The following FHIT variants were observed in gnomAD, a reference collection of about 807,000 sequenced individuals.
FHIT encodes the protein bis(5'-adenosyl)-triphosphatase.
Under a neutral mutation model 17.9 loss-of-function variants are expected in FHIT, and 19 were observed. The ratio of observed to expected loss-of-function variants is 1.06; its 90% CI spans 0.74 to 1.56. The LOEUF (loss-of-function observed/expected upper bound fraction) is 1.56, where lower values mean the gene tolerates loss of function less well. Ranked by LOEUF, FHIT falls within the 40% of genes most tolerant of loss-of-function variation. The pLI is 0.00. For missense variants in FHIT, 248 were observed against 189.2 expected (o/e 1.31, Z -1.82); for synonymous variants, 81 against 69.7 (o/e 1.16, Z -0.81).
At chr3:60,801,245 T>C (rs552073292) in intron 4 of FHIT, among the ~76,000 whole-genome samples, 3 of 152,296 alleles carry the variant, frequency 2.0e-5, no homozygotes, top group Non-Finnish European at 2.9e-5. Flanking sequence ...AATAACTCTC[T>C]TATACTTCCA....
At chr3:61,118,996 C>A (rs148786034) in intron 2 of FHIT, among the ~76,000 whole-genome samples, 6 of 152,258 alleles carry the variant, frequency 3.9e-5, no homozygotes, top group African/African-American at 1.4e-4. Context: ...AGACATTTTA[C>A]TGGGCACCAT....
chr3:61,110,051 T>A (rs2036109772), intron 2 of FHIT, among the ~76,000 whole-genome samples: 1 of 152,128 alleles, frequency 6.6e-6, no homozygotes, highest in African/African-American at 2.4e-5. Context: ...TCCTGGACTG[T>A]CTATCTCTAC....
At chr3:60,628,645 T>C (rs542071773) in intron 4 of FHIT, among the ~76,000 whole-genome samples, 1 of 152,316 alleles carries the variant, frequency 6.6e-6, no homozygotes, top group East Asian at 1.9e-4. Context: ...TCTTTGATTC[T>C]CTCTGATCAT....
intron 4 of FHIT, among the ~76,000 whole-genome samples, chr3:60,763,631 C>T (rs548587375): frequency 6.6e-6 from 1 of 152,318 alleles, no homozygotes; most frequent in Admixed American, 6.5e-5. Flanking sequence ...TATCCAGCAA[C>T]ACATGGCGAT....
At chr3:60,573,776 T>C (rs2037469578) in intron 4 of FHIT, among the ~76,000 whole-genome samples, 1 of 152,082 alleles carries the variant, frequency 6.6e-6, no homozygotes, top group Admixed American at 6.6e-5. Context: ...CTATTGGTGA[T>C]CATTCATTCT....
At chr3:60,930,330 C>T (rs1382913496) in intron 3 of FHIT, among the ~76,000 whole-genome samples, 1 of 152,058 alleles carries the variant, frequency 6.6e-6, no homozygotes, top group Non-Finnish European at 1.5e-5. Context: ...TCTAAAACAC[C>T]AAAAGCAATG....
At chr3:59,751,984 G>C (rs1700933027) in intron 9 of FHIT, 1 of 427,400 alleles carries the variant, frequency 2.3e-6, no homozygotes, top group African/African-American at 2.0e-5. Context: ...GGTGGTGGTG[G>C]GCTGGGGGCA....
chr3:60,463,926 G>T (rs1187090717), intron 5 of FHIT, among the ~76,000 whole-genome samples: 1 of 152,192 alleles, frequency 6.6e-6, no homozygotes, highest in Non-Finnish European at 1.5e-5. Context: ...TTAACTTTAA[G>T]AAAATAACAA....
At chr3:60,814,209 C>A (rs1701661486) in intron 4 of FHIT, among the ~76,000 whole-genome samples, 1 of 151,866 alleles carries the variant, frequency 6.6e-6, no homozygotes, top group Non-Finnish European at 1.5e-5. Context: ...TTTATTTTTT[C>A]AACTTTCATT....
intron 4 of FHIT, among the ~76,000 whole-genome samples, chr3:60,648,024 A>T (rs1454822379): frequency 1.3e-5 from 2 of 152,162 alleles, no homozygotes; most frequent in African/African-American, 2.4e-5. Context: ...ATGTCTCAAT[A>T]TGCAGGGTTT....
chr3:60,598,410 A>G (rs2038337618), intron 4 of FHIT, among the ~76,000 whole-genome samples: 1 of 152,188 alleles, frequency 6.6e-6, no homozygotes, highest in Non-Finnish European at 1.5e-5. Flanking sequence ...TTTTCCTAAA[A>G]TGAATAGGGT....
chr3:60,467,077 T>C (rs2032837965), intron 5 of FHIT, among the ~76,000 whole-genome samples: 1 of 152,106 alleles, frequency 6.6e-6, no homozygotes, highest in East Asian at 1.9e-4. Context: ...TTGCATTTCT[T>C]AGTGGTTCAA....
At chr3:61,088,535 T>A (rs985188434) in intron 2 of FHIT, among the ~76,000 whole-genome samples, 1 of 152,116 alleles carries the variant, frequency 6.6e-6, no homozygotes, top group African/African-American at 2.4e-5. Context: ...AGTATAGATG[T>A]AAACTTCAAA....
intron 2 of FHIT, among the ~76,000 whole-genome samples, chr3:61,095,975 T>C (rs144847823): frequency 1.4e-3 from 218 of 152,320 alleles, no homozygotes; most frequent in Non-Finnish European, 2.2e-3. Context: ...AAGTTTCTCT[T>C]ACCCTAGAAT....
chr3:61,033,218 T>C (rs564962750), intron 3 of FHIT, among the ~76,000 whole-genome samples: 2 of 152,322 alleles, frequency 1.3e-5, no homozygotes, highest in Admixed American at 6.5e-5. Flanking sequence ...TAACCATCAC[T>C]TGTGTCCTGC....
chr3:60,058,769 C>T (rs17061961), intron 5 of FHIT, among the ~76,000 whole-genome samples: 6,315 of 152,194 alleles, frequency 0.041, 416 homozygotes, highest in African/African-American at 0.14. Context: ...AGGATGTTTT[C>T]AGGGCCAAAA....
Position 60,785,443 on chromosome 3 carries a change from A to T in FHIT, c.-18+36476T>A, listed in dbSNP as rs566292097. Among the ~76,000 whole-genome samples, 26 of 152,302 alleles carry T rather than the reference A, an allele frequency of 1.7e-4. No homozygotes were observed. The South Asian group carries it at 1.9e-3, about 11-fold the overall frequency. Reference sequence around the variant, plus strand: ...GAGTATATTAAACTCCCACGAAGAGAAGTGCCTCTGGATTCATTTTGCCAA... The same window carrying T: ...GAGTATATTAAACTCCCACGAAGAGTAGTGCCTCTGGATTCATTTTGCCAA... On this transcript the variant is annotated intron_variant, in intron 4 of 9. Transcript: ENST00000492590.
chr3:59,756,979 C>T (rs1701251495), intron 8 of FHIT, among the ~76,000 whole-genome samples: 1 of 152,136 alleles, frequency 6.6e-6, no homozygotes, highest in African/African-American at 2.4e-5. Context: ...CTTAGTAGTA[C>T]ATAAAATAAC....
intron 8 of FHIT, among the ~76,000 whole-genome samples, chr3:59,859,448 T>G (rs1337680127): frequency 2.6e-5 from 4 of 152,224 alleles, no homozygotes; most frequent in South Asian, 2.1e-4. Context: ...CTGGGTGCTG[T>G]GGCTCACGCC....
Sources: gnomAD v4.1 joint callset for allele counts (sites outside exome capture counted in the v4.1 genomes callset) on GRCh38, gnomAD v4.1.1 for gene constraint, MANE v1.5 for transcripts, NCBI Gene and HGNC (gene_info 2026-07-23, HGNC 2026-07-21) for gene names.